Variants in ZDHHC14 observed in about 807,000 individuals in gnomAD.
The protein encoded by ZDHHC14 is zDHHC palmitoyltransferase 14, also known as palmitoyltransferase ZDHHC14.
A neutral mutation model predicts 47.7 loss-of-function variants in ZDHHC14; 16 were observed. The observed-to-expected ratio is 0.34, with a 90% CI of 0.23 to 0.51. The LOEUF (loss-of-function observed/expected upper bound fraction) is 0.51, where lower values mean the gene tolerates loss of function less well. ZDHHC14 is among the 20% of genes least tolerant of loss of function. The pLI is 0.97. For missense variants in ZDHHC14, 515 were observed against 662.5 expected, an observed-to-expected ratio of 0.78 and a Z score of 2.44; for synonymous variants, 293 against 278.9, an observed-to-expected ratio of 1.05 and a Z score of -0.50.
intron 2 of ZDHHC14, among the ~76,000 whole-genome samples, chr6:157,588,937 C>T (rs1783800963): frequency 6.6e-6 from 1 of 152,150 alleles, no homozygotes; most frequent in African/African-American, 2.4e-5. Context: ...TGGTGGACCA[C>T]TCTTGGAGCA....
chr6:157,618,957 C>T (rs1271538584), intron 3 of ZDHHC14, among the ~76,000 whole-genome samples: 1 of 152,106 alleles, frequency 6.6e-6, no homozygotes, highest in Admixed American at 6.5e-5. Flanking sequence ...CTTCCTCACT[C>T]GCTCAAGGCC....
chr6:157,488,877 C>T (rs1779843511), intron 1 of ZDHHC14, among the ~76,000 whole-genome samples: 1 of 152,202 alleles, frequency 6.6e-6, no homozygotes, highest in South Asian at 2.1e-4. Flanking sequence ...GTGGAGGTGC[C>T]TTAGTGTCGC....
At chr6:157,412,173 A>T (rs1777883830) in intron 1 of ZDHHC14, among the ~76,000 whole-genome samples, 1 of 152,058 alleles carries the variant, frequency 6.6e-6, no homozygotes, top group African/African-American at 2.4e-5. Context: ...TCCTGACCTC[A>T]AGTGATCTGC....
At chr6:157,442,312 G>T (rs936974486) in intron 1 of ZDHHC14, among the ~76,000 whole-genome samples, 1 of 152,164 alleles carries the variant, frequency 6.6e-6, no homozygotes, top group Non-Finnish European at 1.5e-5. Context: ...GAGCCCCGGA[G>T]GTCAAGTCTG....
chr6:157,412,583 G>A (rs371869521), intron 1 of ZDHHC14, among the ~76,000 whole-genome samples: 7 of 152,298 alleles, frequency 4.6e-5, no homozygotes, highest in East Asian at 3.9e-4. Flanking sequence ...GTGAGCCACC[G>A]TGCCCGGCCA....
chr6:157,450,233 T>A (rs1778771609), intron 1 of ZDHHC14, among the ~76,000 whole-genome samples: 1 of 152,000 alleles, frequency 6.6e-6, no homozygotes, highest in Admixed American at 6.6e-5. Context: ...ATGAGCCTTA[T>A]CTTGTGGTGC....
At chr6:157,604,443 A>T (rs773906879) in intron 3 of ZDHHC14, among the ~76,000 whole-genome samples, 3 of 152,176 alleles carry the variant, frequency 2.0e-5, no homozygotes, top group Non-Finnish European at 4.4e-5. Context: ...TCCCCCTTGG[A>T]TACGGAGGGA....
intron 2 of ZDHHC14, among the ~76,000 whole-genome samples, chr6:157,553,952 G>A (rs547494904): frequency 2.0e-5 from 3 of 152,252 alleles, no homozygotes; most frequent in South Asian, 2.1e-4. Context: ...ACCATGTTTG[G>A]TAAGGAAGAA....
At chr6:157,421,365 G>A (rs934183558) in intron 1 of ZDHHC14, among the ~76,000 whole-genome samples, 5 of 151,638 alleles carry the variant, frequency 3.3e-5, no homozygotes, top group African/African-American at 7.2e-5. Context: ...GGTGGCGGTC[G>A]CCTGTAGTCC....
At position 157,537,008 on chromosome 6, in the gene ZDHHC14, C is replaced by T. The variant is rs1327254066; in HGVS notation, c.246-5577C>T. 6.9e-4 allele frequency among the ~76,000 whole-genome samples: 54 copies of T among 78,254 alleles called. 7 individuals are homozygous for T. The highest frequency in any genetic ancestry group is 2.3e-3 in the African/African-American group (51 of 22,288). The allele number at this position is 78,254 out of a possible 152,430, so 51.3% of individuals were successfully genotyped here. ...TAATTTTTTGTATTTTTAGTAGAGA[C>T]GGGGTTTCACCGTTTTAGCCGGGAT... On this transcript the variant is annotated intron_variant, in intron 1 of 8. Coordinates refer to ENST00000359775, the MANE Select transcript of ZDHHC14 (RefSeq NM_024630.3).
chr6:157,451,859 A>C (rs1375058506), intron 1 of ZDHHC14, among the ~76,000 whole-genome samples: 1 of 152,150 alleles, frequency 6.6e-6, no homozygotes, highest in Non-Finnish European at 1.5e-5. Context: ...TGCGCTCAGC[A>C]TCTTGAATAT....
At position 157,381,543 on chromosome 6, in the gene ZDHHC14, TG is replaced by T; in HGVS notation, c.-477del. 2.5e-6 allele frequency: 1 copy of T among 404,274 alleles called. No individual in the cohort carries two copies. Among genetic ancestry groups the T allele is most frequent in the Non-Finnish European group, 4.9e-6 (1 of 203,148 alleles). The allele number at this position is 404,274 out of a possible 1,614,324, so 25.0% of individuals were successfully genotyped here. ...GCCGGAGGAAGGAGTGGACCCAACC[TG>T]GCCGCGCCGCAGAAGTGGCTCCCGA... On this transcript the variant is annotated 5_prime_UTR_variant, in exon 1 of 9. Coordinates refer to ENST00000359775, the MANE Select transcript of ZDHHC14 (RefSeq NM_024630.3).
chr6:157,633,674 C>A (rs990953535), intron 5 of ZDHHC14, among the ~76,000 whole-genome samples: 1 of 152,038 alleles, frequency 6.6e-6, no homozygotes, highest in African/African-American at 2.4e-5. Context: ...GGGAATTATT[C>A]GTTTTTGTTT....
chr6:157,416,378 A>G (rs1198675008), intron 1 of ZDHHC14, among the ~76,000 whole-genome samples: 2 of 152,086 alleles, frequency 1.3e-5, no homozygotes, highest in Non-Finnish European at 2.9e-5. Context: ...TTAAGAAATT[A>G]TAGGCTGGAT....
At chr6:157,634,990 G>T (rs982594340) in intron 5 of ZDHHC14, among the ~76,000 whole-genome samples, 1 of 151,606 alleles carries the variant, frequency 6.6e-6, no homozygotes, top group Non-Finnish European at 1.5e-5. Context: ...TTGCTACCTG[G>T]TCTTTTTTTT....
chr6:157,497,238 T>C (rs1780090261), intron 1 of ZDHHC14, among the ~76,000 whole-genome samples: 5 of 152,182 alleles, frequency 3.3e-5, no homozygotes, highest in South Asian at 4.1e-4. Context: ...TTAAGAACAA[T>C]TGTGGGTTCC....
intron 1 of ZDHHC14, among the ~76,000 whole-genome samples, chr6:157,517,363 G>A (rs1156947627): frequency 6.6e-6 from 1 of 151,472 alleles, no homozygotes; most frequent in Non-Finnish European, 1.5e-5. Flanking sequence ...CAGCCAGGCT[G>A]GAGTGCAGTG....
chr6:157,653,869 C>T (rs894187147), intron 8 of ZDHHC14, among the ~76,000 whole-genome samples: 3 of 152,202 alleles, frequency 2.0e-5, no homozygotes, highest in Non-Finnish European at 2.9e-5. Flanking sequence ...AGTCCACACA[C>T]GCGAGCTGTC....
intron 3 of ZDHHC14, among the ~76,000 whole-genome samples, chr6:157,620,337 C>T (rs2114937460): frequency 6.6e-6 from 1 of 152,228 alleles, no homozygotes; most frequent in South Asian, 2.1e-4. Context: ...ACCCTGATGG[C>T]CTCAGCTGCC....
Sources: gnomAD v4.1 joint callset for allele counts (sites outside exome capture counted in the v4.1 genomes callset) on GRCh38, gnomAD v4.1.1 for gene constraint, MANE v1.5 for transcripts, NCBI Gene and HGNC (gene_info 2026-07-23, HGNC 2026-07-21) for gene names.